The following PPP4R4 variants were observed in gnomAD, a reference collection of about 807,000 sequenced individuals.
PPP4R4 encodes the protein serine/threonine-protein phosphatase 4 regulatory subunit 4.
In PPP4R4, 70 loss-of-function variants were observed where a neutral mutation model predicts 121.8. That is an observed-to-expected ratio of 0.57 (90% CI 0.47 to 0.70). The LOEUF (loss-of-function observed/expected upper bound fraction) is 0.70. PPP4R4 is among the 30% of genes least tolerant of loss of function. The probability of loss-of-function intolerance (pLI) is 0.00; values close to 1 mark genes in which losing one functional copy is unlikely to be tolerated. For missense variants in PPP4R4, 875 were observed against 1,033.6 expected, an observed-to-expected ratio of 0.85 and a Z score of 2.10; for synonymous variants, 348 against 355.7, an observed-to-expected ratio of 0.98 and a Z score of 0.24.
chr14:94,246,016 G>A (rs1285735652), intron 13 of PPP4R4, among the ~76,000 whole-genome samples: 1 of 152,108 alleles, frequency 6.6e-6, no homozygotes, highest in South Asian at 2.1e-4. Flanking sequence ...TGTAACCTAA[G>A]AAAAGGGTAG....
chr14:94,196,519 G>A (rs752471645), intron 2 of PPP4R4, among the ~76,000 whole-genome samples: 11 of 151,734 alleles, frequency 7.2e-5, no homozygotes, highest in Non-Finnish European at 1.5e-4. Flanking sequence ...TCACCATGTT[G>A]GTCAAGCTGG....
chr14:94,276,099 G>A (rs1246250921), intron 24 of PPP4R4, among the ~76,000 whole-genome samples: 1 of 152,042 alleles, frequency 6.6e-6, no homozygotes, highest in Non-Finnish European at 1.5e-5. Context: ...TTTAAGAGAG[G>A]GGTACCATAA....
rs774172318 is a variant in PPP4R4, at chr14:94,278,603, T to C, written c.2598-16T>C. 1.7e-5 allele frequency: 26 copies of C among 1,570,264 alleles called. No homozygotes were observed. The highest frequency in any genetic ancestry group is 2.2e-5 in the Non-Finnish European group (25 of 1,148,306). ...CCCCACCCTCCCTCTCTTCCTTCAT[T>C]TCTTTCTTCCCAAAGAAAATCCAGA... On this transcript the variant is annotated splice_polypyrimidine_tract_variant and intron_variant, in intron 24 of 24. Transcript: ENST00000304338.
intron 15 of PPP4R4, among the ~76,000 whole-genome samples, chr14:94,251,201 T>G (rs1012980172): frequency 2.0e-5 from 3 of 152,056 alleles, no homozygotes; most frequent in African/African-American, 7.2e-5. Context: ...ACCTGAATTA[T>G]TGTCAGTAAT....
chr14:94,204,505 G>A (rs1213904199), intron 2 of PPP4R4, among the ~76,000 whole-genome samples: 1 of 152,074 alleles, frequency 6.6e-6, no homozygotes, highest in African/African-American at 2.4e-5. Context: ...AGTCTTAACA[G>A]TGGGTGGACA....
At chr14:94,218,364 C>G (rs914408427) in intron 3 of PPP4R4, among the ~76,000 whole-genome samples, 3 of 149,044 alleles carry the variant, frequency 2.0e-5, no homozygotes, top group Non-Finnish European at 4.5e-5. Context: ...ACACCCTCAC[C>G]CCTAGACACC....
chr14:94,225,153 C>T (rs1350291120), intron 3 of PPP4R4, among the ~76,000 whole-genome samples: 2 of 152,120 alleles, frequency 1.3e-5, no homozygotes, highest in Non-Finnish European at 2.9e-5. Flanking sequence ...AAGGGAACTT[C>T]CTCTTTCAAT....
At chr14:94,213,351 C>T (rs1433502946) in intron 3 of PPP4R4, among the ~76,000 whole-genome samples, 2 of 152,128 alleles carry the variant, frequency 1.3e-5, no homozygotes, top group Non-Finnish European at 2.9e-5. Flanking sequence ...CATTTTGCCT[C>T]CTAGAGCAAA....
chr14:94,214,555 T>A (rs1890923326), intron 3 of PPP4R4, among the ~76,000 whole-genome samples: 1 of 151,678 alleles, frequency 6.6e-6, no homozygotes. Context: ...GAAAAAATAA[T>A]AATTTCTCCT....
chr14:94,221,044 G>A (rs1273028916), intron 3 of PPP4R4, among the ~76,000 whole-genome samples: 1 of 152,100 alleles, frequency 6.6e-6, no homozygotes, highest in Non-Finnish European at 1.5e-5. Flanking sequence ...GACAGATAAA[G>A]TAATCAATGA....
chr14:94,174,738 G>T (rs1016025599), intron 1 of PPP4R4, among the ~76,000 whole-genome samples, 156 bp downstream of exon 1: 4 of 147,184 alleles, frequency 2.7e-5, no homozygotes, highest in Non-Finnish European at 6.0e-5. Context: ...CCCTCTTGCC[G>T]TGTCGCCCTA....
At chr14:94,265,551 A>G in intron 21 of PPP4R4, 78 bp downstream of exon 21, 12 of 1,232,914 alleles carry the variant, frequency 9.7e-6, no homozygotes, top group Non-Finnish European at 1.4e-5. Context: ...TCACTCTATT[A>G]GATGAGATAC....
intron 11 of PPP4R4, among the ~76,000 whole-genome samples, chr14:94,243,774 A>G (rs976284030): frequency 6.9e-6 from 1 of 144,304 alleles, no homozygotes; most frequent in African/African-American, 2.5e-5. Context: ...GCTAGTGTAA[A>G]TTTTTTTTTT....
At position 94,279,207 on chromosome 14, in the gene PPP4R4, G is replaced by A. The variant is rs1156885296; in HGVS notation, c.*564G>A. 1 of 152,576 alleles carries A rather than the reference G, an allele frequency of 6.6e-6. No individual in the cohort carries two copies. The highest frequency in any genetic ancestry group is 2.4e-5 in the African/African-American group (1 of 41,430). The allele number at this position is 152,576 out of a possible 1,614,324, so 9.5% of individuals were successfully genotyped here. ...ATTGTGGTGACAATATGTTGTACCC[G>A]GACATTCCCAAATTTAAATTTGGCA... On this transcript the variant is annotated 3_prime_UTR_variant, in exon 25 of 25. Transcript: ENST00000304338.
chr14:94,178,590 T>A (rs925406059), intron 2 of PPP4R4, among the ~76,000 whole-genome samples: 2 of 152,124 alleles, frequency 1.3e-5, no homozygotes, highest in African/African-American at 4.8e-5. Context: ...CAAATTATAC[T>A]GTTCATTGTC....
At chr14:94,205,570 T>A (rs1890412751) in intron 2 of PPP4R4, among the ~76,000 whole-genome samples, 1 of 151,608 alleles carries the variant, frequency 6.6e-6, no homozygotes, top group Non-Finnish European at 1.5e-5. Flanking sequence ...GTGATTATTT[T>A]GTTCTAGGTT....
chr14:94,240,109 A>G (rs1449324015), intron 8 of PPP4R4, among the ~76,000 whole-genome samples: 1 of 152,208 alleles, frequency 6.6e-6, no homozygotes, highest in East Asian at 1.9e-4. Flanking sequence ...AATCACCAGT[A>G]TGTCAGATAC....
chr14:94,208,650 A>C (rs1173545211), intron 3 of PPP4R4, 84 bp downstream of exon 3: 2 of 1,001,342 alleles, frequency 2.0e-6, no homozygotes, highest in African/African-American at 3.2e-5. Flanking sequence ...TGGAGCTTTG[A>C]TGGCTGATCT....
chr14:94,210,025 G>C (rs1369789511), intron 3 of PPP4R4, among the ~76,000 whole-genome samples: 1 of 151,746 alleles, frequency 6.6e-6, no homozygotes, highest in Non-Finnish European at 1.5e-5. Flanking sequence ...AATTTCATGG[G>C]AGTATATAAA....
Sources: allele counts gnomAD v4.1 joint callset (sites outside exome capture counted in the v4.1 genomes callset), GRCh38; gene constraint gnomAD v4.1.1; transcripts MANE v1.5; gene names NCBI Gene and HGNC (gene_info 2026-07-23, HGNC 2026-07-21).